Variants in KCNH5 observed in about 807,000 individuals in gnomAD.
KCNH5 encodes the protein voltage-gated delayed rectifier potassium channel KCNH5.
In KCNH5, 46 loss-of-function variants were observed where a neutral mutation model predicts 96.1. The observed-to-expected ratio is 0.48, with a 90% CI of 0.38 to 0.61. KCNH5 has a LOEUF of 0.61. KCNH5 is among the 20% of genes least tolerant of loss of function. The pLI, the probability that KCNH5 is intolerant of heterozygous loss-of-function variation, is 0.00. For synonymous variants in KCNH5, 439 were observed against 449.8 expected (o/e 0.98, Z 0.30); for missense variants, 907 against 1,225.8 (o/e 0.74, Z 3.88).
intron 7 of KCNH5, among the ~76,000 whole-genome samples, chr14:62,880,520 G>A (rs1338261979): frequency 6.6e-6 from 1 of 152,150 alleles, no homozygotes; most frequent in Admixed American, 6.5e-5. Context: ...TGGATATTGT[G>A]GCACTCAGCA....
chr14:62,743,908 C>A (rs2139937627), intron 10 of KCNH5, among the ~76,000 whole-genome samples: 1 of 152,204 alleles, frequency 6.6e-6, no homozygotes, highest in Admixed American at 6.5e-5. Context: ...AAAGCTGGTT[C>A]CTTAAATAAA....
At chr14:62,966,922 C>G (rs1448921289) in intron 6 of KCNH5, among the ~76,000 whole-genome samples, 1 of 147,598 alleles carries the variant, frequency 6.8e-6, no homozygotes, top group African/African-American at 2.7e-5. Flanking sequence ...CTTTCCTGCT[C>G]TGAGTACACT....
intron 10 of KCNH5, among the ~76,000 whole-genome samples, chr14:62,760,881 T>A (rs1203070333): frequency 6.6e-6 from 1 of 152,246 alleles, no homozygotes; most frequent in Non-Finnish European, 1.5e-5. Context: ...GTATTAAGAA[T>A]TCAGTCTAAC....
chr14:62,813,217 CT>C (rs1296891680), intron 8 of KCNH5, among the ~76,000 whole-genome samples: 1 of 152,090 alleles, frequency 6.6e-6, no homozygotes, highest in Non-Finnish European at 1.5e-5. Flanking sequence ...TCTCTTTAAT[CT>C]TCCAAATGCA....
chr14:62,864,806 T>C (rs1054395036), intron 7 of KCNH5, among the ~76,000 whole-genome samples: 1 of 152,190 alleles, frequency 6.6e-6, no homozygotes, highest in African/African-American at 2.4e-5. Flanking sequence ...TGCTTGTTTG[T>C]TTTTAGAACC....
At chr14:62,918,957 C>A (rs1889328881) in intron 7 of KCNH5, among the ~76,000 whole-genome samples, 1 of 151,844 alleles carries the variant, frequency 6.6e-6, no homozygotes, top group Non-Finnish European at 1.5e-5. Flanking sequence ...TTTAAATGTT[C>A]TTCAATATAG....
chr14:62,861,676 G>C (rs780783548), intron 7 of KCNH5, among the ~76,000 whole-genome samples: 2 of 107,162 alleles, frequency 1.9e-5, no homozygotes, highest in Non-Finnish European at 3.7e-5. Context: ...ACACACACAC[G>C]GTATAATTAT....
intron 10 of KCNH5, among the ~76,000 whole-genome samples, chr14:62,767,303 C>T (rs1885881451): frequency 6.6e-6 from 1 of 152,168 alleles, no homozygotes. Flanking sequence ...TACCATTTGA[C>T]CCAGCAATCC....
intron 7 of KCNH5, among the ~76,000 whole-genome samples, chr14:62,873,700 A>G (rs997627829): frequency 6.6e-6 from 1 of 152,208 alleles, no homozygotes; most frequent in South Asian, 2.1e-4. Flanking sequence ...TTTATTATAC[A>G]TGCCCAAAAA....
intron 1 of KCNH5, among the ~76,000 whole-genome samples, chr14:63,034,765 G>A (rs376868974): frequency 2.8e-4 from 43 of 152,254 alleles, no homozygotes; most frequent in African/African-American, 1.0e-3. Context: ...AGCTACAGTG[G>A]TTCAAAATGC....
intron 7 of KCNH5, among the ~76,000 whole-genome samples, chr14:62,948,267 G>T (rs576762405): frequency 5.9e-5 from 9 of 152,104 alleles, no homozygotes; most frequent in Admixed American, 5.9e-4. Flanking sequence ...TTGCTATTTT[G>T]AATAATGCTG....
intron 3 of KCNH5, among the ~76,000 whole-genome samples, chr14:63,004,696 C>T (rs1382371091): frequency 6.6e-6 from 1 of 152,234 alleles, no homozygotes; most frequent in Non-Finnish European, 1.5e-5. Flanking sequence ...CCTCGAACTC[C>T]TGGGCTCAAG....
rs78862137 is a variant in KCNH5, at chr14:62,920,662, T to G, written c.1369+29471A>C. On this transcript the variant is annotated intron_variant, in intron 7 of 10. Coordinates refer to ENST00000322893, the MANE Select transcript of KCNH5 (RefSeq NM_139318.5). ...TGAAACAAACTGATTTAGGGTATGTTTGTATCAAGAAATAAAAATTACAAT... is the reference window on the plus strand; with the variant it reads ...TGAAACAAACTGATTTAGGGTATGTGTGTATCAAGAAATAAAAATTACAAT... 7.8e-4 allele frequency among the ~76,000 whole-genome samples: 119 copies of G among 152,248 alleles called. 1 individual carries two copies. The East Asian group carries it at 0.021, about 27-fold the overall frequency.
rs8015098 is a variant in KCNH5 at position 62,895,146 on chromosome 14, G to A, written c.1370-45294C>T. 4.1e-3 allele frequency among the ~76,000 whole-genome samples: 630 copies of A among 152,210 alleles called. 5 individuals carry two copies. The highest frequency in any genetic ancestry group is 0.01 in the Middle Eastern group (3 of 294). ...AGCTTTGCATATGTGAGATGGCAAG[G>A]TTCTTTCCTACATCTATTTTTGAGA... On this transcript the variant is annotated intron_variant, in intron 7 of 10. Coordinates refer to ENST00000322893, the MANE Select transcript of KCNH5 (RefSeq NM_139318.5).
chr14:62,766,760 T>C (rs973521359), intron 10 of KCNH5, among the ~76,000 whole-genome samples: 5 of 152,098 alleles, frequency 3.3e-5, no homozygotes, highest in African/African-American at 1.2e-4. Context: ...TAAGACCTAG[T>C]ATTTGATAGC....
chr14:62,749,621 T>C (rs1885453433), intron 10 of KCNH5, among the ~76,000 whole-genome samples: 1 of 152,218 alleles, frequency 6.6e-6, no homozygotes, highest in South Asian at 2.1e-4. Context: ...AGCTTGAAAG[T>C]ATCTATGTCT....
chr14:62,809,262 A>C (rs978605130), intron 8 of KCNH5, among the ~76,000 whole-genome samples: 1 of 152,132 alleles, frequency 6.6e-6, no homozygotes, highest in African/African-American at 2.4e-5. Flanking sequence ...CAATATAGTT[A>C]TTTGCTTAAG....
intron 10 of KCNH5, among the ~76,000 whole-genome samples, chr14:62,716,694 C>G (rs1398782882): frequency 2.0e-5 from 3 of 152,144 alleles, no homozygotes; most frequent in Non-Finnish European, 4.4e-5. Context: ...TAACATCATA[C>G]TTTATAGTAA....
chr14:62,924,123 C>T (rs951915980), intron 7 of KCNH5, among the ~76,000 whole-genome samples: 2 of 151,712 alleles, frequency 1.3e-5, no homozygotes, highest in African/African-American at 4.8e-5. Context: ...AACTCAAAAG[C>T]AAAGAAACAA....
Sources: allele counts gnomAD v4.1 joint callset (sites outside exome capture counted in the v4.1 genomes callset), GRCh38; gene constraint gnomAD v4.1.1; transcripts MANE v1.5; gene names NCBI Gene and HGNC (gene_info 2026-07-23, HGNC 2026-07-21).